Variants in SCAPER observed in about 807,000 individuals in gnomAD.
The protein encoded by SCAPER is S phase cyclin A-associated protein in the endoplasmic reticulum.
SCAPER carries 98 observed loss-of-function variants against 182.2 expected under a neutral mutation model. That is an observed-to-expected ratio of 0.54 (90% confidence interval 0.46 to 0.64). The LOEUF (loss-of-function observed/expected upper bound fraction) is 0.64. Ranked by LOEUF, SCAPER falls within the 30% of genes least tolerant of loss-of-function variation. The pLI, the probability that SCAPER is intolerant of heterozygous loss-of-function variation, is 0.00. For missense variants in SCAPER, 1,432 were observed against 1,690.0 expected (o/e 0.85, Z 2.68); for synonymous variants, 605 against 564.6 (o/e 1.07, Z -1.01).
intron 24 of SCAPER, chr15:76,472,207 A>T: frequency 1.9e-6 from 1 of 519,990 alleles, no homozygotes. Flanking sequence ...CCAAAGCCAG[A>T]GCCCAACCCT....
intron 14 of SCAPER, among the ~76,000 whole-genome samples, chr15:76,757,643 C>T (rs1429546487): frequency 1.3e-5 from 2 of 152,108 alleles, no homozygotes; most frequent in African/African-American, 4.8e-5. Context: ...AACTGCTGAT[C>T]GTATGACAGG....
chr15:76,741,657 A>G (rs538951797), intron 15 of SCAPER, among the ~76,000 whole-genome samples: 5 of 152,180 alleles, frequency 3.3e-5, no homozygotes, highest in Non-Finnish European at 5.9e-5. Flanking sequence ...AAATCAGCCT[A>G]TCTTTCTGGC....
intron 20 of SCAPER, among the ~76,000 whole-genome samples, chr15:76,696,676 G>T (rs1297666644): frequency 6.6e-6 from 1 of 152,050 alleles, no homozygotes; most frequent in Non-Finnish European, 1.5e-5. Context: ...AGCTTCTTTA[G>T]ATAGTGTGAA....
chr15:76,862,613 T>C, intron 2 of SCAPER, 80 bp from the exon 3 acceptor site: 1 of 926,814 alleles, frequency 1.1e-6, no homozygotes. Context: ...ATTTCTCACA[T>C]TTTTCTCAGA....
At chr15:76,843,027 T>C (rs2069632136) in intron 4 of SCAPER, among the ~76,000 whole-genome samples, 1 of 152,240 alleles carries the variant, frequency 6.6e-6, no homozygotes, top group Admixed American at 6.5e-5. Context: ...AGCAGCTTCC[T>C]GTGAATCCAG....
intron 21 of SCAPER, among the ~76,000 whole-genome samples, chr15:76,661,156 A>G (rs1052345164): frequency 1.3e-5 from 2 of 152,054 alleles, no homozygotes; most frequent in African/African-American, 4.8e-5. Context: ...AAATCCCAAC[A>G]GGCTTTCTTA....
chr15:76,681,637 C>T (rs1182258964), intron 20 of SCAPER, among the ~76,000 whole-genome samples: 1 of 152,142 alleles, frequency 6.6e-6, no homozygotes. Context: ...TACTGAGAAC[C>T]AGGACTGGTT....
At chr15:76,700,357 T>G (rs2058871823) in intron 20 of SCAPER, among the ~76,000 whole-genome samples, 1 of 152,138 alleles carries the variant, frequency 6.6e-6, no homozygotes. Context: ...CTCCAAGCAA[T>G]TCTCCCTGAC....
chr15:76,416,378 A>T (rs745345909), intron 26 of SCAPER, among the ~76,000 whole-genome samples: 10 of 151,976 alleles, frequency 6.6e-5, no homozygotes, highest in Non-Finnish European at 1.0e-4. Context: ...AATCCCAGCT[A>T]CTCAGGAGGC....
At chr15:76,655,786 G>A (rs1291978877) in intron 21 of SCAPER, among the ~76,000 whole-genome samples, 1 of 152,050 alleles carries the variant, frequency 6.6e-6, no homozygotes, top group African/African-American at 2.4e-5. Context: ...TCCAACCAAG[G>A]ACTTTAAATC....
chr15:76,780,374 G>A (rs2151380271), intron 8 of SCAPER, among the ~76,000 whole-genome samples: 1 of 152,354 alleles, frequency 6.6e-6, no homozygotes, highest in Non-Finnish European at 1.5e-5. Flanking sequence ...AAGTGGCCGG[G>A]AAGCTCGAAC....
At chr15:76,742,126 A>T (rs767354900) in intron 15 of SCAPER, among the ~76,000 whole-genome samples, 27 of 152,090 alleles carry the variant, frequency 1.8e-4, no homozygotes, top group Non-Finnish European at 3.1e-4. Context: ...GTTCATATGA[A>T]GTGACTCAGA....
intron 25 of SCAPER, among the ~76,000 whole-genome samples, chr15:76,458,325 G>C (rs2048897254): frequency 6.6e-6 from 1 of 151,832 alleles, no homozygotes; most frequent in Non-Finnish European, 1.5e-5. Flanking sequence ...TATATGTAGA[G>C]AGAGAAAATC....
chr15:76,630,012 T>G (rs144654034), intron 21 of SCAPER, among the ~76,000 whole-genome samples: 99 of 152,310 alleles, frequency 6.5e-4, no homozygotes, highest in African/African-American at 2.2e-3. Flanking sequence ...GTCCAGGAAT[T>G]TATCCATTTC....
intron 22 of SCAPER, among the ~76,000 whole-genome samples, chr15:76,599,038 A>C (rs1182552172): frequency 8.3e-6 from 1 of 121,070 alleles, no homozygotes; most frequent in Non-Finnish European, 2.0e-5. Flanking sequence ...AAATAATAAA[A>C]ATATACACAA....
intron 8 of SCAPER, among the ~76,000 whole-genome samples, chr15:76,789,735 A>G (rs918222268): frequency 6.6e-6 from 1 of 152,244 alleles, no homozygotes; most frequent in African/African-American, 2.4e-5. Flanking sequence ...GACAGAGTAC[A>G]CAAAACTAAA....
At chr15:76,432,797 C>T (rs2046954566) in intron 26 of SCAPER, among the ~76,000 whole-genome samples, 1 of 152,166 alleles carries the variant, frequency 6.6e-6, no homozygotes, top group African/African-American at 2.4e-5. Flanking sequence ...GTTGGGAGTC[C>T]AGCTAGACAT....
At chr15:76,647,861 A>C (rs2146477891) in intron 21 of SCAPER, among the ~76,000 whole-genome samples, 1 of 152,354 alleles carries the variant, frequency 6.6e-6, no homozygotes, top group East Asian at 1.9e-4. Flanking sequence ...CCTTAGAAGG[A>C]GGAACAATAG....
At chr15:76,430,988 G>C (rs2046822619) in intron 26 of SCAPER, among the ~76,000 whole-genome samples, 1 of 152,126 alleles carries the variant, frequency 6.6e-6, no homozygotes, top group Non-Finnish European at 1.5e-5. Context: ...TAGTGAATAA[G>C]TCTCAAAAGA....
Sources: gnomAD v4.1 joint callset for allele counts (sites outside exome capture counted in the v4.1 genomes callset) on GRCh38, gnomAD v4.1.1 for gene constraint, MANE v1.5 for transcripts, NCBI Gene and HGNC (gene_info 2026-07-23, HGNC 2026-07-21) for gene names.